Variants in KCTD20 observed in about 807,000 individuals in gnomAD.
KCTD20 encodes BTB/POZ domain-containing protein KCTD20.
In KCTD20, 30 loss-of-function variants were observed where a neutral mutation model predicts 39.6. The observed-to-expected ratio is 0.76, with a 90% CI of 0.57 to 1.03. The LOEUF (loss-of-function observed/expected upper bound fraction) is 1.03. Among genes scored for constraint, KCTD20 ranks in the 50% least tolerant of loss-of-function variants. The pLI, the probability that KCTD20 is intolerant of heterozygous loss-of-function variation, is 0.00. For missense variants in KCTD20, 422 were observed against 522.0 expected, an observed-to-expected ratio of 0.81 and a Z score of 1.87; for synonymous variants, 162 against 180.6, an observed-to-expected ratio of 0.90 and a Z score of 0.83.
At chr6:36,452,372 C>G (rs1475553701) in intron 1 of KCTD20, among the ~76,000 whole-genome samples, 5 of 151,844 alleles carry the variant, frequency 3.3e-5, no homozygotes, top group African/African-American at 9.7e-5. Context: ...TGCAGATTTT[C>G]TAATTTTTCT....
chr6:36,477,898 G>T (rs1776116073), intron 3 of KCTD20, among the ~76,000 whole-genome samples: 1 of 150,792 alleles, frequency 6.6e-6, no homozygotes, highest in South Asian at 2.1e-4. Context: ...GAGGTCAGGA[G>T]ATCGAGACCA....
At chr6:36,460,974 A>G (rs1775584699) in intron 1 of KCTD20, among the ~76,000 whole-genome samples, 1 of 152,138 alleles carries the variant, frequency 6.6e-6, no homozygotes, top group African/African-American at 2.4e-5. Flanking sequence ...TGAGGGTAAC[A>G]ATGGCATCTA....
chr6:36,483,369 C>T (rs757442235), intron 6 of KCTD20, among the ~76,000 whole-genome samples: 3 of 150,662 alleles, frequency 2.0e-5, no homozygotes, highest in African/African-American at 7.3e-5. Flanking sequence ...CGTGCCACCA[C>T]GTCCGGCTAA....
intron 6 of KCTD20, among the ~76,000 whole-genome samples, chr6:36,483,852 T>C (rs550141963): frequency 6.6e-6 from 1 of 152,106 alleles, no homozygotes; most frequent in African/African-American, 2.4e-5. Flanking sequence ...TTATCTTTGC[T>C]ACTTTCTTAG....
chr6:36,448,015 G>GTGTGTATATATATATATATATATATA (rs559687288), intron 1 of KCTD20, among the ~76,000 whole-genome samples: 27 of 128,934 alleles, frequency 2.1e-4, no homozygotes, highest in African/African-American at 8.6e-4. Flanking sequence ...ATGTGTGTGT[G>GTGTGTATATATATATATATATATATA]TATATATATA....
chr6:36,459,568 A>G (rs1337731126), intron 1 of KCTD20, among the ~76,000 whole-genome samples: 1 of 152,236 alleles, frequency 6.6e-6, no homozygotes. Flanking sequence ...ATTTTTGACA[A>G]GACTGCATGA....
chr6:36,480,959 A>T (rs749510768), intron 5 of KCTD20, among the ~76,000 whole-genome samples: 3 of 152,236 alleles, frequency 2.0e-5, no homozygotes, highest in Non-Finnish European at 4.4e-5. Flanking sequence ...AAATTAGCTT[A>T]TTCAGAGCTC....
In KCTD20 at chr6:36,479,151, C is replaced by T; in HGVS notation, c.465C>T (p.Phe155=). The change falls in exon 4 of 8, where the codon TTC becomes TTT. Residue 155 remains phenylalanine, a synonymous_variant. Coordinates refer to ENST00000373731, the MANE Select transcript of KCTD20 (RefSeq NM_173562.5). Reference sequence around the variant, plus strand: ...TTGGACCAGGAAGAGAGTACAACTTCACTCGGCCCAATGAGAAGGGAGAGT... The same window carrying T: ...TTGGACCAGGAAGAGAGTACAACTTTACTCGGCCCAATGAGAAGGGAGAGT... The part of the protein sequence containing the change: ...RMFGPGREYN[F]TRPNEKGEYE... 6.2e-7 allele frequency: 1 copy of T among 1,613,676 alleles called. No homozygotes were observed. The highest frequency in any genetic ancestry group is 8.5e-7 in the Non-Finnish European group (1 of 1,179,592).
At chr6:36,450,708 T>C (rs1372665470) in intron 1 of KCTD20, among the ~76,000 whole-genome samples, 1 of 152,192 alleles carries the variant, frequency 6.6e-6, no homozygotes, top group African/African-American at 2.4e-5. Flanking sequence ...GTTAGCCTAC[T>C]GAATAATGTG....
chr6:36,447,822 C>G (rs1775095533), intron 1 of KCTD20, among the ~76,000 whole-genome samples: 1 of 151,246 alleles, frequency 6.6e-6, no homozygotes, highest in African/African-American at 2.4e-5. Context: ...ACGACTCTGT[C>G]TCTACAAAAA....
intron 1 of KCTD20, among the ~76,000 whole-genome samples, chr6:36,458,623 T>A (rs1448549755): frequency 2.0e-5 from 3 of 151,178 alleles, no homozygotes; most frequent in African/African-American, 7.3e-5. Flanking sequence ...GCTCAAGTGA[T>A]CCTCCTGCCT....
chr6:36,472,136 C>T (rs1358489745), intron 2 of KCTD20, among the ~76,000 whole-genome samples: 1 of 152,198 alleles, frequency 6.6e-6, no homozygotes, highest in East Asian at 1.9e-4. Context: ...GCGTGAGCCA[C>T]GGCGCCCGGC....
intron 1 of KCTD20, among the ~76,000 whole-genome samples, chr6:36,448,015 G>GTATATATATATATATA (rs70975158): frequency 4.7e-5 from 6 of 128,944 alleles, no homozygotes; most frequent in South Asian, 2.3e-4. Context: ...ATGTGTGTGT[G>GTATATATATATATATA]TATATATATA....
At position 36,481,549 on chromosome 6, in the gene KCTD20, T is replaced by C. The variant is rs1561958591; in HGVS notation, c.659-13T>C. The stretch of plus-strand genomic sequence containing the variant: ...AGGCAGAAAGCATGTTCACCTACAT[T>C]TTCTCTCTGCAGGTGCTTTACTCCA... On this transcript the variant is annotated splice_polypyrimidine_tract_variant and intron_variant, in intron 5 of 7. Coordinates refer to ENST00000373731, the MANE Select transcript of KCTD20 (RefSeq NM_173562.5). The C allele has an allele frequency of 1.9e-6, 3 of 1,600,544 alleles. No homozygotes were observed. Among genetic ancestry groups the C allele is most frequent in the Non-Finnish European group, 2.6e-6 (3 of 1,167,708 alleles).
rs1270867690 is a variant in KCTD20 at position 36,487,134 on chromosome 6, GC to G, written c.1223del (p.Pro408HisfsTer43). On this transcript the variant is annotated frameshift_variant, in exon 8 of 8. Coordinates refer to ENST00000373731, the MANE Select transcript of KCTD20 (RefSeq NM_173562.5). LOFTEE classifies it high-confidence loss of function. ...PQVDELDRLN[A>X]PLSQMASNDF... ...AGTGGATGAACTTGACCGGCTAAATGCCCCACTTTCTCAGATGGCTTCTAAC... is the reference window on the plus strand; with the variant it reads ...AGTGGATGAACTTGACCGGCTAAATGCCCACTTTCTCAGATGGCTTCTAAC... 1 of 1,614,026 alleles carries G rather than the reference GC, an allele frequency of 6.2e-7. No individual in the cohort carries two copies. The highest frequency in any genetic ancestry group is 1.3e-5 in the African/African-American group (1 of 75,036).
At chr6:36,448,013 G>GTATATATATATATATATATA (rs10645937) in intron 1 of KCTD20, among the ~76,000 whole-genome samples, 45 of 128,932 alleles carry the variant, frequency 3.5e-4, no homozygotes, top group Admixed American at 6.2e-4. Flanking sequence ...GTATGTGTGT[G>GTATATATATATATATATATA]TGTATATATA....
chr6:36,481,896 T>G, intron 6 of KCTD20, 137 bp downstream of exon 6: 1 of 725,728 alleles, frequency 1.4e-6, no homozygotes, highest in African/African-American at 1.7e-5. Context: ...AAATCCCTAG[T>G]GACGCAGGTC....
intron 2 of KCTD20, among the ~76,000 whole-genome samples, chr6:36,473,964 G>A (rs1028824266): frequency 3.9e-5 from 6 of 152,172 alleles, no homozygotes; most frequent in African/African-American, 4.8e-5. Flanking sequence ...GGATTCTCCT[G>A]TACATAGTGA....
At chr6:36,452,523 A>G (rs1429757116) in intron 1 of KCTD20, 1 of 145,540 alleles carries the variant, frequency 6.9e-6, no homozygotes, top group East Asian at 2.1e-4. Context: ...TGATCATTGT[A>G]GTGTGCATCT....
Sources: allele counts gnomAD v4.1 joint callset (sites outside exome capture counted in the v4.1 genomes callset), GRCh38; gene constraint gnomAD v4.1.1; transcripts MANE v1.5; gene names NCBI Gene and HGNC (gene_info 2026-07-23, HGNC 2026-07-21).